KMT2A: variants seen among roughly 807,000 people sequenced by gnomAD.
The protein encoded by KMT2A is lysine methyltransferase 2A, also known as histone-lysine N-methyltransferase 2A.
Under a neutral mutation model 345.3 loss-of-function variants are expected in KMT2A, and 16 were observed. The observed-to-expected ratio is 0.05, with a 90% CI of 0.03 to 0.07. The LOEUF (loss-of-function observed/expected upper bound fraction) is 0.07, where lower values mean the gene tolerates loss of function less well. Ranked by LOEUF, KMT2A falls within the 10% of genes least tolerant of loss-of-function variation. KMT2A has a pLI of 1.00. For missense variants in KMT2A, 3,272 were observed against 4,841.6 expected, an observed-to-expected ratio of 0.68 and a Z score of 9.62; for synonymous variants, 1,599 against 1,778.6, an observed-to-expected ratio of 0.90 and a Z score of 2.54.
chr11:118,503,958 G>A lies in KMT2A; in HGVS notation c.8066G>A (p.Arg2689Lys). Reference sequence around the variant, plus strand: ...GACTTATACTATTACAACTTCACTAGAACAGTGATTTCTTCAGGTGGAGAG... The same window carrying A: ...GACTTATACTATTACAACTTCACTAAAACAGTGATTTCTTCAGGTGGAGAG... ...EDDLYYYNFTRTVISSGGEER... is the reference protein window; with the variant it reads ...EDDLYYYNFTKTVISSGGEER... Residue 2689 changes from arginine to lysine, a missense_variant, in exon 27 of 36, where the codon AGA (arginine) becomes AAA (lysine). Arg to Lys is a conservative substitution (Grantham distance 26, BLOSUM62 2). This residue lies in a region of KMT2A where 47 missense variants were observed against 53.6 expected (regional missense o/e 0.88). Coordinates refer to ENST00000534358, the MANE Select transcript of KMT2A (RefSeq NM_001197104.2). This position sits in a 1 kb window ranked among gnomAD's most constrained non-coding sequence, Gnocchi z 5.3. 6.2e-7 allele frequency: 1 copy of A among 1,614,158 alleles called. No homozygotes were observed. Among genetic ancestry groups the A allele is most frequent in the Non-Finnish European group, 8.5e-7 (1 of 1,180,024 alleles).
At chr11:118,456,126 G>A (rs368904319) in intron 1 of KMT2A, among the ~76,000 whole-genome samples, 2 of 152,168 alleles carry the variant, frequency 1.3e-5, no homozygotes, top group East Asian at 3.9e-4. Flanking sequence ...GTGAGCCACT[G>A]CACCTGGCCT....
chr11:118,486,053 C>T (rs782124589), intron 10 of KMT2A, among the ~76,000 whole-genome samples: 36 of 151,894 alleles, frequency 2.4e-4, no homozygotes, highest in Admixed American at 5.9e-4. Flanking sequence ...ACTGCACTCC[C>T]GCCTGGGCGA....
Position 118,522,969 on chromosome 11 carries a change from T to C in KMT2A, c.*797T>C, listed in dbSNP as rs1485849182. 1 of 224,838 alleles carries C rather than the reference T, an allele frequency of 4.4e-6. No individual in the cohort carries two copies. Among genetic ancestry groups the C allele is most frequent in the Non-Finnish European group, 8.9e-6 (1 of 112,616 alleles). The allele number at this position is 224,838 out of a possible 1,614,324, so 13.9% of individuals were successfully genotyped here. A position where few individuals can be genotyped will look rare whatever the true frequency, so the allele number is the denominator to read the frequency against. ...GTTGTAGGGGAGACTGACTGCCTGCTCAAGGACACTCCCTGCTGGGCATAG... is the reference window on the plus strand; with the variant it reads ...GTTGTAGGGGAGACTGACTGCCTGCCCAAGGACACTCCCTGCTGGGCATAG... On this transcript the variant is annotated 3_prime_UTR_variant, in exon 36 of 36. Coordinates refer to ENST00000534358, the MANE Select transcript of KMT2A (RefSeq NM_001197104.2). This position sits in a 1 kb window ranked among gnomAD's most constrained non-coding sequence, Gnocchi z 5.4.
In KMT2A at chr11:118,494,249, C is replaced by T; in HGVS notation, c.5179-39C>T. On this transcript the variant is annotated intron_variant, in intron 16 of 35. Transcript: ENST00000534358. The surrounding 1 kb of genome is among the most constrained non-coding windows in gnomAD (Gnocchi z 5.8). ...AAGAGGAAATGGTTTTCAGAGCACA[C>T]TGTTTTAAGAATAATTAACATTTTG... 9.4e-7 allele frequency: 1 copy of T among 1,069,230 alleles called. No individual in the cohort carries two copies. The highest frequency in any genetic ancestry group is 1.3e-5 in the South Asian group (1 of 78,146). 66.2% of individuals were successfully genotyped at this position (1,069,230 alleles called of 1,614,324 possible).
intron 28 of KMT2A, among the ~76,000 whole-genome samples, chr11:118,507,966 A>G (rs1172249622): frequency 6.6e-6 from 1 of 152,224 alleles, no homozygotes; most frequent in Non-Finnish European, 1.5e-5. Context: ...CCGTTTCCAA[A>G]AAAAAGGTAA....
Position 118,522,189 on chromosome 11 carries a change from C to A in KMT2A, c.*17C>A. On this transcript the variant is annotated 3_prime_UTR_variant, in exon 36 of 36. Transcript: ENST00000534358. The surrounding 1 kb of genome is among the most constrained non-coding windows in gnomAD (Gnocchi z 5.4). ...CTAAACTAAAGCTGCTCTTCTCCCC[C>A]AGTGTTGGAGTGCAAGGAGGCGGGG... 6.2e-7 allele frequency: 1 copy of A among 1,612,478 alleles called. No homozygotes were observed. The highest frequency in any genetic ancestry group is 8.5e-7 in the Non-Finnish European group (1 of 1,178,676).
intron 1 of KMT2A, among the ~76,000 whole-genome samples, chr11:118,459,537 A>G (rs1949706980): frequency 6.6e-6 from 1 of 152,210 alleles, no homozygotes; most frequent in Non-Finnish European, 1.5e-5. Context: ...GGCTGTATTC[A>G]TCTGAGGCCA....
In KMT2A at chr11:118,436,713, G is replaced by A. The variant is rs1456171005; in HGVS notation, c.201G>A (p.Ala67=). The change falls in exon 1 of 36, where the codon GCG becomes GCA. Residue 67 remains alanine (A), a synonymous_variant. Transcript: ENST00000534358. This position sits in a 1 kb window ranked among gnomAD's most constrained non-coding sequence, Gnocchi z 6.9. ...CTGTGGCGGCCGCGGCGGCGGCGGC[G>A]GGAAGCAGCGGGGCTGGGGTTCCAG... ...PPAVAAAAAA[A]GSSGAGVPGG... 2 of 1,380,650 alleles carry A rather than the reference G, an allele frequency of 1.4e-6. No individual in the cohort carries two copies. Among genetic ancestry groups the A allele is most frequent in the Non-Finnish European group, 1.9e-6 (2 of 1,062,322 alleles). The allele number at this position is 1,380,650 out of a possible 1,614,324, so 85.5% of individuals were successfully genotyped here. A position where few individuals can be genotyped will look rare whatever the true frequency, so the allele number is the denominator to read the frequency against.
Position 118,522,389 on chromosome 11 carries a change from C to A in KMT2A, c.*217C>A. The A allele has an allele frequency of 1.8e-6, 1 of 547,104 alleles. No homozygotes were observed. The highest frequency in any genetic ancestry group is 3.2e-6 in the Non-Finnish European group (1 of 310,880). The allele number at this position is 547,104 out of a possible 1,614,324, so 33.9% of individuals were successfully genotyped here. ...TCTCGAAGAAAAGATCCATGATCGG[C>A]TTTCTCCTGGGGCCCCTCCAATTGT... On this transcript the variant is annotated 3_prime_UTR_variant, in exon 36 of 36. Coordinates refer to ENST00000534358, the MANE Select transcript of KMT2A (RefSeq NM_001197104.2). The surrounding 1 kb of genome is among the most constrained non-coding windows in gnomAD (Gnocchi z 5.4).
chr11:118,502,777 T>C lies in KMT2A; in HGVS notation c.6885T>C (p.Ser2295=). 1 of 1,614,168 alleles carries C rather than the reference T, an allele frequency of 6.2e-7. No homozygotes were observed. Among genetic ancestry groups the C allele is most frequent in the Non-Finnish European group, 8.5e-7 (1 of 1,180,030 alleles). ...GSSSSEMKQS[S]ASDLVSKSSS... ...CATCTTCAGAAATGAAGCAGTCCAG[T>C]GCTTCAGACTTGGTGTCCAAGAGCT... Residue 2295 remains serine, a synonymous_variant, in exon 27 of 36, where the codon AGT becomes AGC. Transcript: ENST00000534358. This position sits in a 1 kb window ranked among gnomAD's most constrained non-coding sequence, Gnocchi z 4.9.
At chr11:118,511,351 A>G (rs1312143231) in intron 30 of KMT2A, among the ~76,000 whole-genome samples, 2 of 152,188 alleles carry the variant, frequency 1.3e-5, no homozygotes, top group African/African-American at 4.8e-5. Flanking sequence ...GGTGACTAAA[A>G]CAAAAGATAA....
At position 118,481,695 on chromosome 11, in the gene KMT2A, T is replaced by A. The variant is rs782437043; in HGVS notation, c.3635-20T>A. On this transcript the variant is annotated intron_variant, in intron 6 of 35. Transcript: ENST00000534358. ...TTATTCTCACTATAGACAGATGATG[T>A]TGTTGTGTTTTTCCCTCAGCTGTGA... 3 of 1,595,740 alleles carry A rather than the reference T, an allele frequency of 1.9e-6. No individual in the cohort carries two copies. The highest frequency in any genetic ancestry group is 2.6e-6 in the Non-Finnish European group (3 of 1,173,454).
At position 118,473,100 on chromosome 11, in the gene KMT2A, A is replaced by T; in HGVS notation, c.1941A>T (p.Ile647=). The T allele has an allele frequency of 2.5e-6, 4 of 1,614,176 alleles. No individual in the cohort carries two copies. Among genetic ancestry groups the T allele is most frequent in the Non-Finnish European group, 3.4e-6 (4 of 1,180,032 alleles). Residue 647 remains isoleucine, a synonymous_variant, in exon 3 of 36, where the codon ATA becomes ATT. Coordinates refer to ENST00000534358, the MANE Select transcript of KMT2A (RefSeq NM_001197104.2). The surrounding 1 kb of genome is among the most constrained non-coding windows in gnomAD (Gnocchi z 5.2). ...YAKEGLIRKP[I]FDNFRPPPLT... ...AAGAAGGTCTTATTCGCAAACCAAT[A>T]TTTGATAATTTCCGACCCCCTCCAC...
At chr11:118,468,190 A>G (rs1298643742) in intron 1 of KMT2A, among the ~76,000 whole-genome samples, 1 of 152,152 alleles carries the variant, frequency 6.6e-6, no homozygotes, top group African/African-American at 2.4e-5. Flanking sequence ...CTCTTATCAC[A>G]GGCATTTTTA....
Position 118,482,479 on chromosome 11 carries a change from A to C in KMT2A, c.4070A>C (p.Gln1357Pro). Residue 1357 changes from glutamine (Q) to proline (P), a missense_variant, in exon 8 of 36, where the codon CAA becomes CCA. Coordinates refer to ENST00000534358, the MANE Select transcript of KMT2A (RefSeq NM_001197104.2). ...CCCCGCCCAAGTATCCCTGTAAAAC[A>C]AAAACCAAAAGAAAAGGTGAGGAGA... ...VAPRPSIPVK[Q>P]KPKEKEKPPP... is the part of the protein sequence containing the mutation. The C allele has an allele frequency of 1.1e-5, 17 of 1,611,798 alleles. No homozygotes were observed. The highest frequency in any genetic ancestry group is 1.4e-5 in the Non-Finnish European group (17 of 1,178,042).
chr11:118,503,194 A>C lies in KMT2A; in HGVS notation c.7302A>C (p.Lys2434Asn), dbSNP rs1555046499. 1 of 1,614,128 alleles carries C rather than the reference A, an allele frequency of 6.2e-7. No individual in the cohort carries two copies. Among genetic ancestry groups the C allele is most frequent in the African/African-American group, 1.3e-5 (1 of 75,060 alleles). ...SSRDRRQKGK[K>N]SCKETFKEKH... Reference sequence around the variant, plus strand: ...GAGATAGGAGACAGAAAGGGAAAAAATCCTGTAAAGAAACTTTCAAAGAAA... The same window carrying C: ...GAGATAGGAGACAGAAAGGGAAAAACTCCTGTAAAGAAACTTTCAAAGAAA... Residue 2434 changes from lysine to asparagine, a missense_variant, in exon 27 of 36, where the codon AAA becomes AAC. Physicochemically the swap from Lys to Asn is moderately conservative, Grantham distance 94. Transcript: ENST00000534358. This position sits in a 1 kb window ranked among gnomAD's most constrained non-coding sequence, Gnocchi z 5.3.
intron 1 of KMT2A, chr11:118,449,944 A>T (rs905688412): frequency 1.3e-5 from 2 of 151,800 alleles, no homozygotes; most frequent in Non-Finnish European, 2.9e-5. Context: ...TAAACTTGTC[A>T]TATGGGGGAC....
Position 118,510,739 on chromosome 11 carries a change from T to C in KMT2A, c.11071+621T>C, listed in dbSNP as rs1002229341. Among the ~76,000 whole-genome samples, 1 of 152,184 alleles carries C rather than the reference T, an allele frequency of 6.6e-6. No homozygotes were observed. The highest frequency in any genetic ancestry group is 1.5e-5 in the Non-Finnish European group (1 of 68,032). ...GCAAGCATCTAAGTGTTCATCCACC[T>C]TTGAAGGACTAGTAAATGTTCTCTA... On this transcript the variant is annotated intron_variant, in intron 30 of 35. Coordinates refer to ENST00000534358, the MANE Select transcript of KMT2A (RefSeq NM_001197104.2). The surrounding 1 kb of genome is among the most constrained non-coding windows in gnomAD (Gnocchi z 4.1).
At chr11:118,464,115 G>A (rs540461485) in intron 1 of KMT2A, among the ~76,000 whole-genome samples, 53 of 152,196 alleles carry the variant, frequency 3.5e-4, no homozygotes, top group Non-Finnish European at 6.0e-4. Flanking sequence ...GTAGCAGACT[G>A]TCCAGTTTGC....
Sources: allele counts gnomAD v4.1 joint callset (sites outside exome capture counted in the v4.1 genomes callset), GRCh38; gene constraint gnomAD v4.1.1; regional missense constraint gnomAD v4.1.1; non-coding constraint Gnocchi (gnomAD v3.1); transcripts MANE v1.5; gene names NCBI Gene and HGNC (gene_info 2026-07-23, HGNC 2026-07-21).